COG7: variants seen among roughly 807,000 people sequenced by gnomAD.
COG7 encodes the protein conserved oligomeric Golgi complex subunit 7.
In COG7, 49 loss-of-function variants were observed where a neutral mutation model predicts 91.5. That is an observed-to-expected ratio of 0.54 (90% confidence interval 0.43 to 0.68). The LOEUF (loss-of-function observed/expected upper bound fraction) is 0.68. Ranked by LOEUF, COG7 falls within the 30% of genes least tolerant of loss-of-function variation. The pLI, the probability that COG7 is intolerant of heterozygous loss-of-function variation, is 0.00. For synonymous variants in COG7, 365 were observed against 388.7 expected, an observed-to-expected ratio of 0.94 and a Z score of 0.72; for missense variants, 895 against 961.3, an observed-to-expected ratio of 0.93 and a Z score of 0.91.
chr16:23,443,198 T>G lies in COG7; in HGVS notation c.436-553A>C, dbSNP rs79278359. On this transcript the variant is annotated intron_variant, in intron 3 of 16. Transcript: ENST00000307149. ...CAATCTGGTATCATAAATTTAAATT[T>G]ATACTGTCTTTCTGGAAGGCAATTT... Among the ~76,000 whole-genome samples the G allele has an allele frequency of 7.2e-3, 1,100 of 152,296 alleles. 18 individuals carry two copies. The highest frequency in any genetic ancestry group is 0.025 in the African/African-American group (1,059 of 41,556).
intron 9 of COG7, chr16:23,416,365 A>G (rs527363883): frequency 7.0e-5 from 11 of 157,302 alleles, no homozygotes; most frequent in African/African-American, 2.6e-4. Flanking sequence ...ATTCAGGCTC[A>G]TCCGGCCACA....
At position 23,418,748 on chromosome 16, in the gene COG7, G is replaced by A. The variant is rs539939894; in HGVS notation, c.1089C>T (p.Gly363=). 4.4e-4 allele frequency: 715 copies of A among 1,613,606 alleles called. 8 individuals are homozygous for A. In the South Asian group the frequency reaches 7.3e-3, roughly 16 times the overall value. The part of the protein sequence containing the change: ...DPYKPYQLKY[G]DMEESNLLIQ... ...TGAGGAGGTTGCTCTCTTCCATGTC[G>A]CCATACTTCAGCTGGTAGGGTTTGT... is the stretch of plus-strand genomic sequence containing the variant. The change falls in exon 8 of 17, where the codon GGC becomes GGT. Residue 363 remains glycine (G), a synonymous_variant. Transcript: ENST00000307149.
chr16:23,433,813 AGGC>A, intron 5 of COG7, 146 bp from the exon 6 acceptor site: 9 of 769,390 alleles, frequency 1.2e-5, no homozygotes, highest in African/African-American at 8.2e-5. Context: ...CTTCAAAGAA[AGGC>A]AGGAAAAAAA....
chr16:23,394,850 G>A (rs1482445423), intron 14 of COG7: 1 of 151,222 alleles, frequency 6.6e-6, no homozygotes, highest in Non-Finnish European at 1.5e-5. Context: ...TTGTTGCCCA[G>A]GCTGGAGTGC....
rs201032528 is a variant in COG7, at chr16:23,392,526, G to A, written c.2003-3C>T. The A allele has an allele frequency of 3.7e-6, 6 of 1,614,180 alleles. No homozygotes were observed. The highest frequency in any genetic ancestry group is 1.6e-4 in the Middle Eastern group (1 of 6,062). ...GTCCAGCTCGGGCAATTCATCCCCTGAAAAGAAAAGGAGGTCACCAAGGAA... is the reference window on the plus strand; with the variant it reads ...GTCCAGCTCGGGCAATTCATCCCCTAAAAAGAAAAGGAGGTCACCAAGGAA... On this transcript the variant is annotated splice_region_variant and splice_polypyrimidine_tract_variant and intron_variant, in intron 15 of 16. Transcript: ENST00000307149.
chr16:23,404,984 C>T (rs1478039717), intron 12 of COG7, among the ~76,000 whole-genome samples: 1 of 152,148 alleles, frequency 6.6e-6, no homozygotes, highest in South Asian at 2.1e-4. Flanking sequence ...TGTCTATCAC[C>T]AAGAGTGAAG....
At position 23,417,816 on chromosome 16, in the gene COG7, C is replaced by T. The variant is rs569553975; in HGVS notation, c.1138-695G>A. Among the ~76,000 whole-genome samples the T allele has an allele frequency of 1.6e-4, 25 of 152,234 alleles. No individual in the cohort carries two copies. In the South Asian group the frequency reaches 5.0e-3, roughly 30 times the overall value. ...TAAAAAATAAGGCAAAAGGAAAATGCTTCCTTCCTTCAGGTGCAAGTATGG... is the reference window on the plus strand; with the variant it reads ...TAAAAAATAAGGCAAAAGGAAAATGTTTCCTTCCTTCAGGTGCAAGTATGG... On this transcript the variant is annotated intron_variant, in intron 8 of 16. Coordinates refer to ENST00000307149, the MANE Select transcript of COG7 (RefSeq NM_153603.4).
At chr16:23,402,287 C>T (rs762163462) in intron 13 of COG7, among the ~76,000 whole-genome samples, 1 of 151,982 alleles carries the variant, frequency 6.6e-6, no homozygotes, top group African/African-American at 2.4e-5. Context: ...GGTTGCTGGA[C>T]ATCAAACTGC....
rs375114992 is a variant in COG7, at chr16:23,410,331, C to G, written c.1439G>C (p.Arg480Pro). ...CTGCTGCTCGAAGTCCCCACAATGC[C>G]GCAAAAGCTCTCCACAGGTGGCTAT... ...RIIATCGELL[R>P]HCGDFEQQLA... The change falls in exon 11 of 17, where the codon CGG becomes CCG. Residue 480 changes from arginine (R) to proline (P), a missense_variant. Transcript: ENST00000307149. 2 of 1,613,954 alleles carry G rather than the reference C, an allele frequency of 1.2e-6. No individual in the cohort carries two copies. The highest frequency in any genetic ancestry group is 2.7e-5 in the African/African-American group (2 of 74,898).
chr16:23,440,510 A>ATT (rs5816213), intron 4 of COG7, among the ~76,000 whole-genome samples: 29 of 146,810 alleles, frequency 2.0e-4, no homozygotes, highest in African/African-American at 4.5e-4. Context: ...AACAAAACCT[A>ATT]TTTTTTTTTT....
At chr16:23,425,026 G>T in intron 6 of COG7, 79 bp from the exon 7 acceptor site, 1 of 1,255,692 alleles carries the variant, frequency 8.0e-7, no homozygotes, top group Middle Eastern at 2.1e-4. Flanking sequence ...ACTTTTTTGA[G>T]ATGCCAGGCA....
At chr16:23,447,771 G>A (rs2142097697) in intron 1 of COG7, among the ~76,000 whole-genome samples, 1 of 151,526 alleles carries the variant, frequency 6.6e-6, no homozygotes, top group African/African-American at 2.4e-5. Context: ...GTGGTGGTGT[G>A]TGCCTGTAGC....
chr16:23,436,562 C>T lies in COG7; in HGVS notation c.605-1844G>A, dbSNP rs1469709154. Among the ~76,000 whole-genome samples the T allele has an allele frequency of 4.6e-5, 7 of 151,950 alleles. No homozygotes were observed. The South Asian group carries it at 1.2e-3, about 27-fold the overall frequency. On this transcript the variant is annotated intron_variant, in intron 4 of 16. Coordinates refer to ENST00000307149, the MANE Select transcript of COG7 (RefSeq NM_153603.4). The stretch of plus-strand genomic sequence containing the variant: ...CAGCCTGGCCAATATGGTGAAACCC[C>T]GTCTCTACTAAAAATATAAAAAATT...
intron 13 of COG7, among the ~76,000 whole-genome samples, chr16:23,400,839 G>A (rs186833618): frequency 2.6e-5 from 4 of 152,114 alleles, no homozygotes; most frequent in South Asian, 2.1e-4. Flanking sequence ...GTGTGGTGAC[G>A]CTTGCCTGTA....
At position 23,389,056 on chromosome 16, in the gene COG7, C is replaced by T; in HGVS notation, c.2177G>A (p.Gly726Asp). The change falls in exon 17 of 17, where the codon GGC (glycine) becomes GAC (aspartate). Residue 726 changes from glycine (G) to aspartate (D), a missense_variant. Transcript: ENST00000307149. Reference protein sequence around the residue: ...DYLINVMDALGLQPSRTLQHI... With the variant: ...DYLINVMDALDLQPSRTLQHI... Reference sequence around the variant, plus strand: ...CTGGAGGGTGCGGGACGGCTGCAGGCCCAGGGCATCCATCACGTTGATCAG... The same window carrying T: ...CTGGAGGGTGCGGGACGGCTGCAGGTCCAGGGCATCCATCACGTTGATCAG... 3 of 1,613,964 alleles carry T rather than the reference C, an allele frequency of 1.9e-6. No individual in the cohort carries two copies. Among genetic ancestry groups the T allele is most frequent in the Non-Finnish European group, 2.5e-6 (3 of 1,179,992 alleles).
At chr16:23,426,059 C>CA (rs904825229) in intron 6 of COG7, among the ~76,000 whole-genome samples, 1 of 151,862 alleles carries the variant, frequency 6.6e-6, no homozygotes, top group Non-Finnish European at 1.5e-5. Context: ...GCTAAAAATA[C>CA]AAAAAAATTA....
intron 4 of COG7, among the ~76,000 whole-genome samples, chr16:23,435,818 G>C (rs1038073685): frequency 6.6e-6 from 1 of 152,252 alleles, no homozygotes; most frequent in Non-Finnish European, 1.5e-5. Flanking sequence ...AAGCGCTGGA[G>C]ACCTGCCAGT....
chr16:23,397,942 G>C, intron 14 of COG7, 104 bp downstream of exon 14: 1 of 989,956 alleles, frequency 1.0e-6, no homozygotes, highest in Admixed American at 1.9e-5. Context: ...ACCCAAAAGG[G>C]TCAGATAGCA....
intron 1 of COG7, 47 bp from the exon 2 acceptor site, chr16:23,446,008 C>A: frequency 1.3e-6 from 2 of 1,589,430 alleles, no homozygotes. Flanking sequence ...GCGATAGCCA[C>A]AAAAGGTGAA....
Sources: allele counts gnomAD v4.1 joint callset (sites outside exome capture counted in the v4.1 genomes callset), GRCh38; gene constraint gnomAD v4.1.1; transcripts MANE v1.5; gene names NCBI Gene and HGNC (gene_info 2026-07-23, HGNC 2026-07-21).